PC: variants seen among roughly 807,000 people sequenced by gnomAD.
PC encodes pyruvate carboxylase, mitochondrial.
A neutral mutation model predicts 107.8 loss-of-function variants in PC; 46 were observed. The observed-to-expected ratio is 0.43, with a 90% CI of 0.34 to 0.55. The LOEUF is 0.55. Among genes scored for constraint, PC ranks in the 20% least tolerant of loss-of-function variants. The probability of loss-of-function intolerance (pLI) is 0.04; values close to 1 mark genes in which losing one functional copy is unlikely to be tolerated. For missense variants in PC, 1,241 were observed against 1,643.1 expected (o/e 0.76, Z 4.23); for synonymous variants, 662 against 684.7 (o/e 0.97, Z 0.52).
intron 3 of PC, among the ~76,000 whole-genome samples, chr11:66,898,879 T>C (rs1258360927): frequency 6.6e-6 from 1 of 152,162 alleles, no homozygotes; most frequent in Non-Finnish European, 1.5e-5. Flanking sequence ...TCTTTTCTTT[T>C]CTTTTTTAAG....
chr11:66,912,714 G>T (rs1182443745), intron 3 of PC, among the ~76,000 whole-genome samples: 2 of 152,144 alleles, frequency 1.3e-5, no homozygotes, highest in Admixed American at 1.3e-4. Context: ...CCACTAGAGT[G>T]GGCCAAGAGG....
In PC at chr11:66,852,379, G is replaced by A. The variant is rs1408536969; in HGVS notation, c.1825+60C>T. 2.2e-6 allele frequency: 3 copies of A among 1,359,680 alleles called. No individual in the cohort carries two copies. The highest frequency in any genetic ancestry group is 1.7e-5 in the Admixed American group (1 of 59,624). The allele number at this position is 1,359,680 out of a possible 1,614,324, so 84.2% of individuals were successfully genotyped here. ...CTTGTCCCCAGTGGCCTAAGCCTGT[G>A]GGACTGGCCACAGAGCGGGCGCCCA... On this transcript the variant is annotated intron_variant, in intron 15 of 22. Transcript: ENST00000393960. This position sits in a 1 kb window ranked among gnomAD's most constrained non-coding sequence, Gnocchi z 4.7.
chr11:66,910,592 G>A (rs746652940), intron 3 of PC, among the ~76,000 whole-genome samples: 4 of 152,110 alleles, frequency 2.6e-5, no homozygotes, highest in Non-Finnish European at 2.9e-5. Flanking sequence ...CCATACGGCC[G>A]GTGGAAGCAA....
intron 3 of PC, among the ~76,000 whole-genome samples, chr11:66,875,504 T>C (rs1006937744): frequency 1.3e-5 from 2 of 151,648 alleles, no homozygotes; most frequent in Non-Finnish European, 1.5e-5. Flanking sequence ...CTGGGAGAAG[T>C]GGGTCAGGCC....
At chr11:66,954,750 C>A (rs1164620030) in intron 1 of PC, among the ~76,000 whole-genome samples, 1 of 152,162 alleles carries the variant, frequency 6.6e-6, no homozygotes, top group Non-Finnish European at 1.5e-5. Flanking sequence ...TCGAGACCAG[C>A]CTGCCCAACA....
chr11:66,880,119 T>A lies in PC; in HGVS notation c.1-7960A>T, dbSNP rs116161370. Reference sequence around the variant, plus strand: ...ATTCCCAGGGCGCCTGCACCCTTCCTAGAACTTGGTTAACCCAGTTTTTCC... The same window carrying A: ...ATTCCCAGGGCGCCTGCACCCTTCCAAGAACTTGGTTAACCCAGTTTTTCC... On this transcript the variant is annotated intron_variant, in intron 3 of 22. Coordinates refer to ENST00000393960, the MANE Select transcript of PC (RefSeq NM_001040716.2). 9.9e-3 allele frequency among the ~76,000 whole-genome samples: 1,514 copies of A among 152,302 alleles called. 23 individuals carry two copies. The highest frequency in any genetic ancestry group is 0.034 in the African/African-American group (1,430 of 41,552).
At chr11:66,900,950 T>C (rs975658672) in intron 3 of PC, among the ~76,000 whole-genome samples, 2 of 152,244 alleles carry the variant, frequency 1.3e-5, no homozygotes, top group African/African-American at 4.8e-5. Flanking sequence ...TACCTCTTCC[T>C]TTCCAATCTG....
At chr11:66,899,541 A>C (rs1360502527) in intron 3 of PC, among the ~76,000 whole-genome samples, 2 of 151,002 alleles carry the variant, frequency 1.3e-5, no homozygotes, top group Non-Finnish European at 3.0e-5. Context: ...TTTCCTTTTT[A>C]CTTTTTGCAG....
intron 12 of PC, chr11:66,860,058 G>A: frequency 6.4e-7 from 1 of 1,569,142 alleles, no homozygotes. Flanking sequence ...CCTGGGAGAT[G>A]CCGGGTGCTA....
chr11:66,909,602 C>T (rs1055799247), intron 3 of PC, among the ~76,000 whole-genome samples: 4 of 152,224 alleles, frequency 2.6e-5, no homozygotes, highest in Admixed American at 2.6e-4. Context: ...TCCATCAGCA[C>T]TGGGGAGCCG....
In PC at chr11:66,857,993, C is replaced by T. The variant is rs931320214; in HGVS notation, c.1369-4610G>A. The T allele has an allele frequency of 1.9e-6, 3 of 1,612,476 alleles. No homozygotes were observed. The highest frequency in any genetic ancestry group is 2.5e-6 in the Non-Finnish European group (3 of 1,179,936). On this transcript the variant is annotated intron_variant, in intron 12 of 22. Coordinates refer to ENST00000393960, the MANE Select transcript of PC (RefSeq NM_001040716.2). This position sits in a 1 kb window ranked among gnomAD's most constrained non-coding sequence, Gnocchi z 7.1. ...TGGACCTGACACTGTCTCGCAATGCCATCACCCGCATTGGGGCCCGCGCCT... is the reference window on the plus strand; with the variant it reads ...TGGACCTGACACTGTCTCGCAATGCTATCACCCGCATTGGGGCCCGCGCCT...
At chr11:66,930,190 G>A (rs981147819) in intron 3 of PC, among the ~76,000 whole-genome samples, 2 of 147,104 alleles carry the variant, frequency 1.4e-5, no homozygotes, top group African/African-American at 5.4e-5. Context: ...AACAAAAGCA[G>A]GTAGAAAAAC....
Position 66,849,847 on chromosome 11 carries a change from G to A in PC, c.2911C>T (p.Leu971=). ...EPFRSKVLKD[L]PRVEGRPGAS... Reference sequence around the variant, plus strand: ...CCAGGCCGCCCCTCCACCCTTGGCAGGTCCTTCAGTACCTGGGGAGCAAAG... The same window carrying A: ...CCAGGCCGCCCCTCCACCCTTGGCAAGTCCTTCAGTACCTGGGGAGCAAAG... The change falls in exon 21 of 23, where the codon CTG becomes TTG. Residue 971 remains leucine, a synonymous_variant. Coordinates refer to ENST00000393960, the MANE Select transcript of PC (RefSeq NM_001040716.2). The A allele has an allele frequency of 6.2e-7, 1 of 1,613,758 alleles. No individual in the cohort carries two copies. The highest frequency in any genetic ancestry group is 8.5e-7 in the Non-Finnish European group (1 of 1,180,018).
chr11:66,924,117 G>C (rs1472781324), intron 3 of PC, among the ~76,000 whole-genome samples: 1 of 150,178 alleles, frequency 6.7e-6, no homozygotes, highest in African/African-American at 2.4e-5. Flanking sequence ...CACAAGAATC[G>C]CTTGAACCCA....
At position 66,850,661 on chromosome 11, in the gene PC, C is replaced by A; in HGVS notation, c.2473+13G>T. On this transcript the variant is annotated intron_variant, in intron 18 of 22. Transcript: ENST00000393960. ...TTGAGAGGGGTGTGGCCACGGGCTG[C>A]TGTTCTTCCTACCTGTGTCCAGGGG... The A allele has an allele frequency of 6.2e-7, 1 of 1,606,994 alleles. No homozygotes were observed.
intron 3 of PC, among the ~76,000 whole-genome samples, chr11:66,904,586 T>A (rs1010301339): frequency 1.3e-5 from 2 of 152,206 alleles, no homozygotes; most frequent in Non-Finnish European, 2.9e-5. Flanking sequence ...TGCAGTGAGC[T>A]GTGATTGTGC....
In PC at chr11:66,872,764, G is replaced by A. The variant is rs189469580; in HGVS notation, c.1-605C>T. ...AAAATAAAAGTATCAGGTTGGGCGC[G>A]GTGGCTCATGCCTGTAATCCCAGCA... is the stretch of plus-strand genomic sequence containing the variant. On this transcript the variant is annotated intron_variant, in intron 3 of 22. Coordinates refer to ENST00000393960, the MANE Select transcript of PC (RefSeq NM_001040716.2). Among the ~76,000 whole-genome samples the A allele has an allele frequency of 3.6e-3, 544 of 152,034 alleles. 4 individuals are homozygous for A. The highest frequency in any genetic ancestry group is 0.012 in the African/African-American group (508 of 41,448).
At chr11:66,873,190 CTT>C (rs887925062) in intron 3 of PC, among the ~76,000 whole-genome samples, 3 of 139,282 alleles carry the variant, frequency 2.2e-5, no homozygotes, top group African/African-American at 8.1e-5. Context: ...AAATATAAAA[CTT>C]AGCCAGGCAT....
chr11:66,918,671 C>T (rs1161831468), intron 3 of PC, among the ~76,000 whole-genome samples: 1 of 152,042 alleles, frequency 6.6e-6, no homozygotes, highest in East Asian at 1.9e-4. Context: ...CCATGCCCAG[C>T]CCAACAAAAT....
Sources: allele counts gnomAD v4.1 joint callset (sites outside exome capture counted in the v4.1 genomes callset), GRCh38; gene constraint gnomAD v4.1.1; non-coding constraint Gnocchi (gnomAD v3.1); transcripts MANE v1.5; gene names NCBI Gene and HGNC (gene_info 2026-07-23, HGNC 2026-07-21).